The following MTUS2 variants were observed in gnomAD, a reference collection of about 807,000 sequenced individuals.
MTUS2 encodes the protein microtubule associated scaffold protein 2.
In MTUS2, 40 loss-of-function variants were observed where a neutral mutation model predicts 114.1. The observed-to-expected ratio is 0.35, with a 90% CI of 0.27 to 0.46. The LOEUF (loss-of-function observed/expected upper bound fraction) is 0.46, where lower values mean the gene tolerates loss of function less well. Among genes scored for constraint, MTUS2 ranks in the 20% least tolerant of loss-of-function variants. MTUS2 has a pLI of 1.00. For missense variants in MTUS2, 1,679 were observed against 1,705.4 expected, an observed-to-expected ratio of 0.98 and a Z score of 0.27; for synonymous variants, 688 against 672.0, an observed-to-expected ratio of 1.02 and a Z score of -0.37.
At chr13:29,238,204 A>G (rs1178623924) in intron 5 of MTUS2, among the ~76,000 whole-genome samples, 2 of 152,340 alleles carry the variant, frequency 1.3e-5, no homozygotes, top group East Asian at 3.9e-4. Context: ...TATAGCATAC[A>G]ATGGAATGTT....
intron 3 of MTUS2, among the ~76,000 whole-genome samples, chr13:29,031,364 C>T (rs1441225678): frequency 6.6e-6 from 1 of 150,988 alleles, no homozygotes; most frequent in Non-Finnish European, 1.5e-5. Flanking sequence ...TATGTAGAGA[C>T]AGATATAGAT....
chr13:28,826,876 C>G (rs1269813717), intron 1 of MTUS2, among the ~76,000 whole-genome samples: 1 of 152,196 alleles, frequency 6.6e-6, no homozygotes, highest in Non-Finnish European at 1.5e-5. Context: ...CATCAGATTG[C>G]TACTGCAGAG....
At chr13:28,849,518 A>G (rs1300309434) in intron 2 of MTUS2, among the ~76,000 whole-genome samples, 5 of 152,252 alleles carry the variant, frequency 3.3e-5, no homozygotes, top group African/African-American at 1.2e-4. Flanking sequence ...TGGGCATCAT[A>G]CAGAGTCCTT....
At chr13:28,977,286 C>A (rs1368843227) in intron 2 of MTUS2, among the ~76,000 whole-genome samples, 1 of 152,084 alleles carries the variant, frequency 6.6e-6, no homozygotes, top group Non-Finnish European at 1.5e-5. Flanking sequence ...TAAGGTATTT[C>A]AACCCAATTG....
intron 2 of MTUS2, among the ~76,000 whole-genome samples, chr13:28,891,833 A>C (rs1341529462): frequency 7.1e-6 from 1 of 140,820 alleles, no homozygotes; most frequent in Admixed American, 7.8e-5. Context: ...AGCCGAGATC[A>C]CGCCACTGCA....
chr13:29,356,262 C>T (rs571472405), intron 7 of MTUS2, among the ~76,000 whole-genome samples: 1 of 152,262 alleles, frequency 6.6e-6, no homozygotes, highest in African/African-American at 2.4e-5. Flanking sequence ...ACCACCACAC[C>T]AACACCACTT....
At chr13:29,501,419 G>GC (rs1555287516) in intron 15 of MTUS2, among the ~76,000 whole-genome samples, 1 of 152,190 alleles carries the variant, frequency 6.6e-6, no homozygotes, top group Non-Finnish European at 1.5e-5. Flanking sequence ...CAGCAAAAGT[G>GC]TGCAGCAGGG....
chr13:28,998,511 G>A (rs1240958674), intron 2 of MTUS2, among the ~76,000 whole-genome samples: 2 of 152,158 alleles, frequency 1.3e-5, no homozygotes, highest in Admixed American at 6.5e-5. Context: ...CATTCTGCCC[G>A]TCACTTTCAG....
chr13:29,210,641 C>T (rs1415912041), intron 5 of MTUS2, among the ~76,000 whole-genome samples: 1 of 152,186 alleles, frequency 6.6e-6, no homozygotes, highest in Non-Finnish European at 1.5e-5. Flanking sequence ...GGTGTTCTCC[C>T]TTCCCCTAGG....
chr13:29,114,562 G>C (rs1043967629), intron 5 of MTUS2, among the ~76,000 whole-genome samples: 1 of 152,152 alleles, frequency 6.6e-6, no homozygotes, highest in African/African-American at 2.4e-5. Flanking sequence ...AGTAGGAGGG[G>C]GAGAGAAATA....
rs147843828 is a variant in MTUS2 at position 29,109,404 on chromosome 13, A to G, written c.2644+8434A>G. On this transcript the variant is annotated intron_variant, in intron 5 of 15. Transcript: ENST00000612955. Reference sequence around the variant, plus strand: ...ATTAATAATCAACCCCATGCTGTATATTAGATCTCCAGAACTTACTCCTCC... The same window carrying G: ...ATTAATAATCAACCCCATGCTGTATGTTAGATCTCCAGAACTTACTCCTCC... Among the ~76,000 whole-genome samples, 267 of 152,282 alleles carry G rather than the reference A, an allele frequency of 1.8e-3. 1 individual carries two copies. Among genetic ancestry groups the G allele is most frequent in the African/African-American group, 6.1e-3 (253 of 41,548 alleles).
chr13:29,153,045 TA>T (rs1334653105), intron 5 of MTUS2, among the ~76,000 whole-genome samples: 2 of 152,186 alleles, frequency 1.3e-5, no homozygotes, highest in African/African-American at 2.4e-5. Flanking sequence ...AGAAATACCC[TA>T]ACCCCTCTGA....
At chr13:28,833,081 T>G (rs1319708962) in intron 1 of MTUS2, among the ~76,000 whole-genome samples, 1 of 150,958 alleles carries the variant, frequency 6.6e-6, no homozygotes, top group Non-Finnish European at 1.5e-5. Context: ...TAATCAAATA[T>G]TTTTCCATGA....
intron 5 of MTUS2, among the ~76,000 whole-genome samples, chr13:29,119,013 G>A (rs1432346916): frequency 6.6e-6 from 1 of 152,074 alleles, no homozygotes; most frequent in Non-Finnish European, 1.5e-5. Context: ...GAAACTCTAA[G>A]GAAAAGGCTC....
chr13:28,827,451 C>T lies in MTUS2; in HGVS notation c.-316+6840C>T, dbSNP rs193166544. 2.0e-5 allele frequency among the ~76,000 whole-genome samples: 3 copies of T among 152,184 alleles called. No individual in the cohort carries two copies. In the East Asian group the frequency reaches 5.8e-4, roughly 29 times the overall value. ...CCCCAAACTTTATACTGAAATTTTT[C>T]TGCTAAATTTTAGGATTATAATTTT... is the stretch of plus-strand genomic sequence containing the variant. On this transcript the variant is annotated intron_variant, in intron 1 of 15. Coordinates refer to ENST00000612955, the MANE Select transcript of MTUS2 (RefSeq NM_001033602.4).
At chr13:29,205,653 T>C (rs1406493822) in intron 5 of MTUS2, among the ~76,000 whole-genome samples, 1 of 152,246 alleles carries the variant, frequency 6.6e-6, no homozygotes, top group Non-Finnish European at 1.5e-5. Flanking sequence ...AGTGAGAACA[T>C]GCAATGTTTA....
intron 5 of MTUS2, among the ~76,000 whole-genome samples, chr13:29,246,568 T>G (rs948077527): frequency 2.6e-5 from 4 of 152,166 alleles, no homozygotes; most frequent in African/African-American, 9.7e-5. Flanking sequence ...ACCTACCAAG[T>G]TGAACTCAAA....
At chr13:29,268,573 C>G (rs987027031) in intron 5 of MTUS2, among the ~76,000 whole-genome samples, 3 of 152,194 alleles carry the variant, frequency 2.0e-5, no homozygotes, top group Non-Finnish European at 4.4e-5. Context: ...CTTCTCTTGT[C>G]TTCTCCCTCA....
intron 6 of MTUS2, among the ~76,000 whole-genome samples, chr13:29,311,655 G>C (rs1899768975): frequency 6.6e-6 from 1 of 152,148 alleles, no homozygotes; most frequent in Non-Finnish European, 1.5e-5. Flanking sequence ...ATCCTAGCCA[G>C]ATAACTTAGT....
Sources: allele counts gnomAD v4.1 joint callset (sites outside exome capture counted in the v4.1 genomes callset), GRCh38; gene constraint gnomAD v4.1.1; transcripts MANE v1.5; gene names NCBI Gene and HGNC (gene_info 2026-07-23, HGNC 2026-07-21).